GPC5: variants seen among roughly 807,000 people sequenced by gnomAD.
GPC5 encodes the protein glypican 5.
GPC5 carries 47 observed loss-of-function variants against 53.9 expected under a neutral mutation model. The observed-to-expected ratio is 0.87, with a 90% CI of 0.69 to 1.11. GPC5 has a LOEUF of 1.11. Ranked by LOEUF, GPC5 falls within the 50% of genes most tolerant of loss-of-function variation. The pLI is 0.00. For synonymous variants in GPC5, 286 were observed against 263.3 expected, an observed-to-expected ratio of 1.09 and a Z score of -0.84; for missense variants, 748 against 713.1, an observed-to-expected ratio of 1.05 and a Z score of -0.56.
intron 7 of GPC5, among the ~76,000 whole-genome samples, chr13:92,636,766 A>G (rs72641017): frequency 0.097 from 14,828 of 152,210 alleles, 946 homozygotes; most frequent in Admixed American, 0.15. Context: ...TATGGTAGGT[A>G]CTTAGTGAAA....
intron 7 of GPC5, among the ~76,000 whole-genome samples, chr13:92,542,195 A>C (rs1395323643): frequency 6.6e-6 from 1 of 152,010 alleles, no homozygotes; most frequent in Non-Finnish European, 1.5e-5. Context: ...GGAACATTTA[A>C]TATCCTCTCT....
intron 7 of GPC5, among the ~76,000 whole-genome samples, chr13:92,497,199 T>C (rs1880010960): frequency 6.6e-6 from 1 of 152,228 alleles, no homozygotes; most frequent in African/African-American, 2.4e-5. Flanking sequence ...TCCTGATTGC[T>C]ATTGCCTGGG....
At chr13:92,037,124 A>G (rs540293256) in intron 6 of GPC5, among the ~76,000 whole-genome samples, 32 of 152,200 alleles carry the variant, frequency 2.1e-4, no homozygotes, top group Non-Finnish European at 4.3e-4. Flanking sequence ...GGACTTTTAT[A>G]TTCTGTCTAT....
chr13:92,535,186 T>G lies in GPC5; in HGVS notation c.1562-331096T>G, dbSNP rs534493831. On this transcript the variant is annotated intron_variant, in intron 7 of 7. Coordinates refer to ENST00000377067, the MANE Select transcript of GPC5 (RefSeq NM_004466.6). The stretch of plus-strand genomic sequence containing the variant: ...GGTAAGCCATGAAGACCTATGGTGC[T>G]GTGGCCTCTCCCTTTGTTGTTTCTT... Among the ~76,000 whole-genome samples the G allele has an allele frequency of 2.6e-5, 4 of 152,282 alleles. No homozygotes were observed. The South Asian group carries it at 8.3e-4, about 32-fold the overall frequency.
chr13:92,579,850 CTT>C (rs1392425006), intron 7 of GPC5, among the ~76,000 whole-genome samples: 1 of 152,130 alleles, frequency 6.6e-6, no homozygotes, highest in Non-Finnish European at 1.5e-5. Context: ...CTCTCTCTCT[CTT>C]TCTTTATCAT....
chr13:91,423,216 T>C (rs1216486299), intron 1 of GPC5, among the ~76,000 whole-genome samples: 2 of 152,188 alleles, frequency 1.3e-5, no homozygotes, highest in Admixed American at 6.5e-5. Context: ...CTTGAAATGG[T>C]ATAGTGTACT....
intron 6 of GPC5, among the ~76,000 whole-genome samples, chr13:92,036,388 A>G (rs1202537744): frequency 3.9e-5 from 6 of 152,226 alleles, no homozygotes; most frequent in African/African-American, 7.2e-5. Flanking sequence ...TTACTGGCCA[A>G]AATAAATAGC....
chr13:91,531,814 A>G (rs1886357139), intron 2 of GPC5, among the ~76,000 whole-genome samples: 1 of 152,212 alleles, frequency 6.6e-6, no homozygotes, highest in African/African-American at 2.4e-5. Flanking sequence ...ATTCAGTTTC[A>G]CTGTATTTTG....
At chr13:91,979,280 A>G (rs1018947792) in intron 6 of GPC5, among the ~76,000 whole-genome samples, 2 of 152,156 alleles carry the variant, frequency 1.3e-5, no homozygotes, top group Non-Finnish European at 2.9e-5. Context: ...ATGTGTTCAG[A>G]TAGGTGTCCC....
chr13:91,517,984 A>G (rs1885594423), intron 2 of GPC5, among the ~76,000 whole-genome samples: 1 of 152,146 alleles, frequency 6.6e-6, no homozygotes, highest in Non-Finnish European at 1.5e-5. Context: ...GGGAGATACA[A>G]TTCAAGTTGA....
intron 6 of GPC5, among the ~76,000 whole-genome samples, chr13:92,104,816 G>A (rs980015239): frequency 1.2e-4 from 18 of 152,024 alleles, no homozygotes; most frequent in African/African-American, 1.9e-4. Context: ...TAATCCAAAC[G>A]GTTTGGTAAA....
At chr13:91,936,133 G>A (rs892277054) in intron 6 of GPC5, among the ~76,000 whole-genome samples, 1 of 152,052 alleles carries the variant, frequency 6.6e-6, no homozygotes, top group Non-Finnish European at 1.5e-5. Flanking sequence ...TAAGCAAACT[G>A]TTATAAAAGA....
chr13:91,864,239 T>C (rs56162632), intron 5 of GPC5, among the ~76,000 whole-genome samples: 21,017 of 152,172 alleles, frequency 0.14, 1,584 homozygotes, highest in African/African-American at 0.19. Flanking sequence ...TGTAAGATAG[T>C]AGTTTTCTTT....
At chr13:92,718,277 A>T (rs540474207) in intron 7 of GPC5, among the ~76,000 whole-genome samples, 1 of 152,206 alleles carries the variant, frequency 6.6e-6, no homozygotes, top group African/African-American at 2.4e-5. Flanking sequence ...ACTATTCACA[A>T]TAGCCATGAT....
chr13:92,159,971 C>T (rs1412466469), intron 7 of GPC5, among the ~76,000 whole-genome samples: 1 of 151,904 alleles, frequency 6.6e-6, no homozygotes, highest in South Asian at 2.1e-4. Context: ...GGCCCCATCT[C>T]GGTTCACTGC....
chr13:92,653,944 A>G (rs1305207381), intron 7 of GPC5, among the ~76,000 whole-genome samples: 1 of 152,230 alleles, frequency 6.6e-6, no homozygotes, highest in Non-Finnish European at 1.5e-5. Context: ...GCAGGTGGAG[A>G]ATATTCAGCA....
intron 7 of GPC5, among the ~76,000 whole-genome samples, chr13:92,217,911 CTTTTT>C (rs61595116): frequency 1.4e-4 from 12 of 85,204 alleles, no homozygotes; most frequent in Admixed American, 1.7e-4. Context: ...ATTATTTCTA[CTTTTT>C]TTTTTTTTTT....
intron 7 of GPC5, among the ~76,000 whole-genome samples, chr13:92,533,488 A>G (rs1331916905): frequency 1.3e-5 from 2 of 152,202 alleles, no homozygotes; most frequent in African/African-American, 2.4e-5. Flanking sequence ...AGAAGCTAAC[A>G]TATTATGCTG....
intron 5 of GPC5, among the ~76,000 whole-genome samples, chr13:91,790,834 T>C (rs1409614879): frequency 6.6e-6 from 1 of 152,228 alleles, no homozygotes; most frequent in Non-Finnish European, 1.5e-5. Context: ...ATTTCTTTTT[T>C]ACACATTTCC....
Sources: gnomAD v4.1 joint callset for allele counts (sites outside exome capture counted in the v4.1 genomes callset) on GRCh38, gnomAD v4.1.1 for gene constraint, MANE v1.5 for transcripts, NCBI Gene and HGNC (gene_info 2026-07-23, HGNC 2026-07-21) for gene names.